MGAT4C: variants seen among roughly 807,000 people sequenced by gnomAD.
MGAT4C encodes alpha-1,3-mannosyl-glycoprotein 4-beta-N-acetylglucosaminyltransferase C.
In MGAT4C, 19 loss-of-function variants were observed where a neutral mutation model predicts 40.1. The observed-to-expected ratio is 0.47, with a 90% CI of 0.33 to 0.70. The LOEUF is 0.70. Among genes scored for constraint, MGAT4C ranks in the 30% least tolerant of loss-of-function variants. The probability of loss-of-function intolerance (pLI) is 0.02; values close to 1 mark genes in which losing one functional copy is unlikely to be tolerated. For missense variants in MGAT4C, 491 were observed against 563.2 expected, an observed-to-expected ratio of 0.87 and a Z score of 1.30; for synonymous variants, 181 against 187.1, an observed-to-expected ratio of 0.97 and a Z score of 0.27.
chr12:86,594,897 C>T (rs886795838), intron 2 of MGAT4C, among the ~76,000 whole-genome samples: 1 of 152,080 alleles, frequency 6.6e-6, no homozygotes, highest in Non-Finnish European at 1.5e-5. Flanking sequence ...CTGTTGGGTC[C>T]AGTGCAGGAG....
intron 2 of MGAT4C, among the ~76,000 whole-genome samples, chr12:85,991,946 C>T (rs1885994087): frequency 6.6e-6 from 1 of 152,080 alleles, no homozygotes; most frequent in South Asian, 2.1e-4. Context: ...GGGTGGTGAC[C>T]AGCGAGCCAT....
intron 2 of MGAT4C, among the ~76,000 whole-genome samples, chr12:86,577,212 C>G (rs1184899802): frequency 6.6e-6 from 1 of 151,730 alleles, no homozygotes; most frequent in East Asian, 1.9e-4. Context: ...CTTGTGTAGT[C>G]TTTAGTTTTT....
chr12:86,735,151 C>T (rs77523233), intron 1 of MGAT4C, among the ~76,000 whole-genome samples: 3,109 of 151,682 alleles, frequency 0.02, 100 homozygotes, highest in African/African-American at 0.071. Flanking sequence ...CTAATGAGTG[C>T]GAGATTAGAA....
At chr12:85,992,804 G>A (rs1250646922) in intron 2 of MGAT4C, among the ~76,000 whole-genome samples, 1 of 152,212 alleles carries the variant, frequency 6.6e-6, no homozygotes, top group Non-Finnish European at 1.5e-5. Context: ...CCATGTGCTG[G>A]CCTTCTTTGC....
At position 86,179,019 on chromosome 12, in the gene MGAT4C, G is replaced by A. The variant is rs190658146; in HGVS notation, c.-57+77220C>T. Among the ~76,000 whole-genome samples, 905 of 152,214 alleles carry A rather than the reference G, an allele frequency of 5.9e-3. 5 individuals carry two copies. Among genetic ancestry groups the A allele is most frequent in the Middle Eastern group, 0.01 (3 of 294 alleles). ...CATTTTCAGATTACACCTGAATATG[G>A]TTTGGCTGTGTCTCCAGCCAAATGT... On this transcript the variant is annotated intron_variant, in intron 1 of 4. Transcript: ENST00000611864.
intron 1 of MGAT4C, among the ~76,000 whole-genome samples, chr12:86,732,339 C>T (rs773427964): frequency 2.0e-5 from 3 of 152,062 alleles, no homozygotes; most frequent in Non-Finnish European, 2.9e-5. Context: ...TGGGGGCATA[C>T]GGTTTCAGGA....
At chr12:86,074,272 C>G (rs1049633271) in intron 1 of MGAT4C, among the ~76,000 whole-genome samples, 18 of 151,948 alleles carry the variant, frequency 1.2e-4, no homozygotes, top group Non-Finnish European at 2.5e-4. Context: ...ATGTCTTTAT[C>G]AGCAGTGTGA....
In MGAT4C at chr12:85,973,942, G is replaced by A. The variant is rs573034694; in HGVS notation, c.*5347C>T. 1 of 151,018 alleles carries A rather than the reference G, an allele frequency of 6.6e-6. No homozygotes were observed. The highest frequency in any genetic ancestry group is 1.9e-4 in the East Asian group (1 of 5,168). 9.4% of individuals were successfully genotyped at this position (151,018 alleles called of 1,614,324 possible). ...CATCTCAGAAAATATTGGGATTATTGAAGCAAATTCTACCCTGGACTTGGA... is the reference window on the plus strand; with the variant it reads ...CATCTCAGAAAATATTGGGATTATTAAAGCAAATTCTACCCTGGACTTGGA... On this transcript the variant is annotated 3_prime_UTR_variant, in exon 5 of 5. Transcript: ENST00000611864.
intron 2 of MGAT4C, among the ~76,000 whole-genome samples, chr12:86,709,544 A>T (rs990622477): frequency 1.3e-5 from 2 of 152,052 alleles, no homozygotes; most frequent in Admixed American, 1.3e-4. Flanking sequence ...TATATAGAAG[A>T]TTTGTGATTA....
chr12:86,768,959 C>G (rs1443423786), intron 1 of MGAT4C, among the ~76,000 whole-genome samples: 1 of 151,834 alleles, frequency 6.6e-6, no homozygotes, highest in African/African-American at 2.4e-5. Context: ...TAGGCATGGG[C>G]AAGGACTTCA....
chr12:86,281,166 T>C (rs1324771096), intron 4 of MGAT4C, among the ~76,000 whole-genome samples: 2 of 151,984 alleles, frequency 1.3e-5, no homozygotes, highest in African/African-American at 4.8e-5. Flanking sequence ...CTTTTGGTAG[T>C]TTTTATGACT....
chr12:86,334,109 C>T (rs906863963), exon 4 of MGAT4C: 1 of 152,080 alleles, frequency 6.6e-6, no homozygotes, highest in Non-Finnish European at 1.5e-5. Flanking sequence ...AGAATCAGGG[C>T]TGTGCTTTCT....
At chr12:85,982,483 C>A (rs766285268) in intron 4 of MGAT4C, among the ~76,000 whole-genome samples, 1 of 152,172 alleles carries the variant, frequency 6.6e-6, no homozygotes, top group Non-Finnish European at 1.5e-5. Flanking sequence ...GCCACCAAAC[C>A]CAGCCTAAGA....
At chr12:86,520,176 G>T (rs965449850) in intron 2 of MGAT4C, among the ~76,000 whole-genome samples, 3 of 151,994 alleles carry the variant, frequency 2.0e-5, no homozygotes, top group Admixed American at 2.0e-4. Context: ...TATTAAGCCT[G>T]GTTAGTAATC....
intron 2 of MGAT4C, among the ~76,000 whole-genome samples, chr12:86,718,552 G>T (rs1565945958): frequency 2.0e-5 from 3 of 152,046 alleles, no homozygotes. Flanking sequence ...CTCTGTATAT[G>T]GTTTCTTTAC....
Position 85,965,618 on chromosome 12 carries a change from A to G in MGAT4C, c.*13671T>C, listed in dbSNP as rs76894787. On this transcript the variant is annotated 3_prime_UTR_variant, in exon 5 of 5. Coordinates refer to ENST00000611864, the MANE Select transcript of MGAT4C (RefSeq NM_001351288.2). ...TCTCAAAAAAAAAAAAAAAAAAAAA[A>G]AAGGACACTCTGAACAATTGAACAA... 1 of 152,348 alleles carries G rather than the reference A, an allele frequency of 6.6e-6. No individual in the cohort carries two copies. The highest frequency in any genetic ancestry group is 6.6e-5 in the Admixed American group (1 of 15,162). 9.4% of individuals were successfully genotyped at this position (152,348 alleles called of 1,614,324 possible). A position where few individuals can be genotyped will look rare whatever the true frequency, so the allele number is the denominator to read the frequency against.
intron 2 of MGAT4C, among the ~76,000 whole-genome samples, chr12:86,621,277 C>T (rs1199495840): frequency 6.6e-6 from 1 of 152,002 alleles, no homozygotes; most frequent in Admixed American, 6.6e-5. Flanking sequence ...ATGTATCCTC[C>T]TACTTGAAAC....
intron 4 of MGAT4C, among the ~76,000 whole-genome samples, chr12:86,310,916 T>A (rs1954057166): frequency 6.6e-6 from 1 of 152,160 alleles, no homozygotes; most frequent in Admixed American, 6.5e-5. Flanking sequence ...ACAATGAGAC[T>A]TCGTCTCAAA....
intron 2 of MGAT4C, among the ~76,000 whole-genome samples, chr12:86,020,794 C>T (rs1889633327): frequency 6.6e-6 from 1 of 152,140 alleles, no homozygotes; most frequent in African/African-American, 2.4e-5. Flanking sequence ...TCAGAGTGAA[C>T]AGGCAACCTA....
Sources: allele counts gnomAD v4.1 joint callset (sites outside exome capture counted in the v4.1 genomes callset), GRCh38; gene constraint gnomAD v4.1.1; transcripts MANE v1.5; gene names NCBI Gene and HGNC (gene_info 2026-07-23, HGNC 2026-07-21).